Variants in ZHX2 observed in about 807,000 individuals in gnomAD.
ZHX2 encodes zinc fingers and homeoboxes 2, also known as zinc fingers and homeoboxes protein 2.
Under a neutral mutation model 21.9 loss-of-function variants are expected in ZHX2, and 6 were observed. The observed-to-expected ratio is 0.27, with a 90% CI of 0.15 to 0.54. The LOEUF is 0.54. ZHX2 is among the 20% of genes least tolerant of loss of function. The pLI is 0.95. For missense variants in ZHX2, 908 were observed against 1,090.7 expected (o/e 0.83, Z 2.36); for synonymous variants, 434 against 437.1 (o/e 0.99, Z 0.09).
intron 1 of ZHX2, among the ~76,000 whole-genome samples, chr8:122,851,390 T>TGAC (rs1170808714): frequency 1.3e-5 from 2 of 152,222 alleles, no homozygotes; most frequent in South Asian, 4.2e-4. Flanking sequence ...ATGGTGATGA[T>TGAC]GACTGTGGTG....
intron 2 of ZHX2, among the ~76,000 whole-genome samples, chr8:122,908,244 A>G (rs1181213016): frequency 6.6e-6 from 1 of 152,188 alleles, no homozygotes; most frequent in East Asian, 1.9e-4. Flanking sequence ...CTTGTTGCCC[A>G]AACTGGAGTG....
chr8:122,962,730 A>C (rs1016977229), intron 3 of ZHX2, among the ~76,000 whole-genome samples: 1 of 152,206 alleles, frequency 6.6e-6, no homozygotes, highest in African/African-American at 2.4e-5. Flanking sequence ...GTACTAGTTT[A>C]CATTTCCACC....
At chr8:122,939,266 C>T (rs1812782451) in intron 2 of ZHX2, among the ~76,000 whole-genome samples, 1 of 152,216 alleles carries the variant, frequency 6.6e-6, no homozygotes, top group Non-Finnish European at 1.5e-5. Flanking sequence ...CAGGGTCTCT[C>T]ACCCGTGGCG....
chr8:122,866,365 T>C (rs1452621875), intron 2 of ZHX2, among the ~76,000 whole-genome samples: 1 of 152,048 alleles, frequency 6.6e-6, no homozygotes, highest in Non-Finnish European at 1.5e-5. Context: ...CAGATAAAAA[T>C]TGCATTCGCC....
At chr8:122,853,734 A>G (rs1360936973) in intron 1 of ZHX2, among the ~76,000 whole-genome samples, 1 of 151,886 alleles carries the variant, frequency 6.6e-6, no homozygotes, top group Admixed American at 6.6e-5. Context: ...CGCCTTCTCC[A>G]TGCAACCTCC....
chr8:122,792,761 G>A (rs2130541876), intron 1 of ZHX2, among the ~76,000 whole-genome samples: 1 of 152,288 alleles, frequency 6.6e-6, no homozygotes, highest in African/African-American at 2.4e-5. Context: ...CCAGGGCCAG[G>A]ACTAGAGGAA....
At chr8:122,831,299 C>T (rs962724814) in intron 1 of ZHX2, among the ~76,000 whole-genome samples, 1 of 152,086 alleles carries the variant, frequency 6.6e-6, no homozygotes, top group African/African-American at 2.4e-5. Context: ...CCAGAGGGAG[C>T]CCTGGGATGA....
chr8:122,967,344 C>T (rs892399846), intron 3 of ZHX2, among the ~76,000 whole-genome samples: 1 of 152,198 alleles, frequency 6.6e-6, no homozygotes, highest in Admixed American at 6.5e-5. Context: ...GGGGTGATCC[C>T]TTGATGTGTT....
intron 1 of ZHX2, among the ~76,000 whole-genome samples, chr8:122,847,672 T>C (rs1818783413): frequency 6.6e-6 from 1 of 152,218 alleles, no homozygotes; most frequent in Non-Finnish European, 1.5e-5. Flanking sequence ...GTGCTCATGA[T>C]GACTGTCCCC....
At chr8:122,850,214 G>A (rs1181454698) in intron 1 of ZHX2, among the ~76,000 whole-genome samples, 3 of 152,138 alleles carry the variant, frequency 2.0e-5, no homozygotes, top group East Asian at 1.9e-4. Flanking sequence ...GCCCCGTGTC[G>A]CACCCCCCCT....
chr8:122,969,349 T>C (rs1813663886), intron 3 of ZHX2, among the ~76,000 whole-genome samples: 1 of 152,104 alleles, frequency 6.6e-6, no homozygotes, highest in African/African-American at 2.4e-5. Flanking sequence ...AATAGGAAGA[T>C]ATTTACTTCA....
chr8:122,963,504 A>G (rs1182871081), intron 3 of ZHX2, among the ~76,000 whole-genome samples: 2 of 152,184 alleles, frequency 1.3e-5, no homozygotes, highest in East Asian at 1.9e-4. Context: ...TACCAGTACT[A>G]TGCTGTTTTG....
chr8:122,912,361 G>A (rs1820503751), intron 2 of ZHX2, among the ~76,000 whole-genome samples: 2 of 152,224 alleles, frequency 1.3e-5, no homozygotes, highest in African/African-American at 2.4e-5. Flanking sequence ...GGCAGCACGA[G>A]CATGGCCTTT....
intron 2 of ZHX2, among the ~76,000 whole-genome samples, chr8:122,930,534 A>C (rs1820958461): frequency 6.8e-6 from 1 of 147,838 alleles, no homozygotes; most frequent in African/African-American, 2.5e-5. Flanking sequence ...CTTTTGGTGC[A>C]TCCCACACGT....
chr8:122,933,112 TGACA>T (rs1262618878), intron 2 of ZHX2, among the ~76,000 whole-genome samples: 1 of 152,122 alleles, frequency 6.6e-6, no homozygotes, highest in Admixed American at 6.6e-5. Context: ...GAGAAAGATC[TGACA>T]GACAGAATCT....
At chr8:122,955,280 G>A (rs1813269812) in intron 3 of ZHX2, among the ~76,000 whole-genome samples, 1 of 152,110 alleles carries the variant, frequency 6.6e-6, no homozygotes, top group Non-Finnish European at 1.5e-5. Flanking sequence ...TTACAAGGAG[G>A]AAGATGCACG....
chr8:122,853,739 A>C (rs1002591736), intron 1 of ZHX2, among the ~76,000 whole-genome samples: 1 of 151,306 alleles, frequency 6.6e-6, no homozygotes, highest in Non-Finnish European at 1.5e-5. Flanking sequence ...TCTCCATGCA[A>C]CCTCCTCCCA....
chr8:122,921,433 G>A lies in ZHX2; in HGVS notation c.-219-29859G>A, dbSNP rs57389007. On this transcript the variant is annotated intron_variant, in intron 2 of 3. Transcript: ENST00000314393. ...TGCTGACCACAGGGATGAGCACTCC[G>A]GCTGTTTTCTCTTCTTTCCCATCCC... Among the ~76,000 whole-genome samples, 77 of 152,240 alleles carry A rather than the reference G, an allele frequency of 5.1e-4. No individual in the cohort carries two copies. The East Asian group carries it at 0.013, about 26-fold the overall frequency.
chr8:122,956,374 C>T (rs533902169), intron 3 of ZHX2, among the ~76,000 whole-genome samples: 10 of 152,096 alleles, frequency 6.6e-5, no homozygotes, highest in Non-Finnish European at 1.3e-4. Context: ...GAGAGGAAAT[C>T]GCATTTTCCT....
Sources: gnomAD v4.1 joint callset for allele counts (sites outside exome capture counted in the v4.1 genomes callset) on GRCh38, gnomAD v4.1.1 for gene constraint, MANE v1.5 for transcripts, NCBI Gene and HGNC (gene_info 2026-07-23, HGNC 2026-07-21) for gene names.